SLC22A4: variants seen among roughly 807,000 people sequenced by gnomAD.
SLC22A4 encodes the protein solute carrier family 22 member 4.
In SLC22A4, 39 loss-of-function variants were observed where a neutral mutation model predicts 56.6. That is an observed-to-expected ratio of 0.69 (90% CI 0.53 to 0.90). The LOEUF is 0.90. SLC22A4 is among the 40% of genes least tolerant of loss of function. The pLI, the probability that SLC22A4 is intolerant of heterozygous loss-of-function variation, is 0.00. For missense variants in SLC22A4, 594 were observed against 696.5 expected, an observed-to-expected ratio of 0.85 and a Z score of 1.66; for synonymous variants, 241 against 281.4, an observed-to-expected ratio of 0.86 and a Z score of 1.44.
intron 1 of SLC22A4, among the ~76,000 whole-genome samples, chr5:132,306,861 T>C (rs1561535981): frequency 3.9e-5 from 6 of 152,262 alleles, no homozygotes; most frequent in Non-Finnish European, 7.4e-5. Flanking sequence ...TAAAACACTA[T>C]ATATTGTATG....
intron 6 of SLC22A4, among the ~76,000 whole-genome samples, chr5:132,332,974 T>G (rs1750911419): frequency 6.6e-6 from 1 of 152,202 alleles, no homozygotes. Flanking sequence ...GCTACTAAGC[T>G]AATAAAAAAT....
chr5:132,339,503 C>CACACACACACACACACA (rs1554084166), intron 8 of SLC22A4, among the ~76,000 whole-genome samples: 2 of 150,430 alleles, frequency 1.3e-5, no homozygotes, highest in Non-Finnish European at 1.5e-5. Flanking sequence ...CACACACACA[C>CACACACACACACACACA]CTGAAAACAT....
rs374174747 is a variant in SLC22A4 at position 132,340,548 on chromosome 5, T to A, written c.1445-17T>A. On this transcript the variant is annotated splice_polypyrimidine_tract_variant and intron_variant, in intron 8 of 9. Coordinates refer to ENST00000200652, the MANE Select transcript of SLC22A4 (RefSeq NM_003059.3). Reference sequence around the variant, plus strand: ...TCCTCCTATCTGATTGATGTTCTTATGTCCCGGGCTTTACAGGTGCTTACA... The same window carrying A: ...TCCTCCTATCTGATTGATGTTCTTAAGTCCCGGGCTTTACAGGTGCTTACA... 1 of 1,613,604 alleles carries A rather than the reference T, an allele frequency of 6.2e-7. No homozygotes were observed. Among genetic ancestry groups the A allele is most frequent in the Non-Finnish European group, 8.5e-7 (1 of 1,179,506 alleles).
chr5:132,304,295 G>A (rs1031963835), intron 1 of SLC22A4, among the ~76,000 whole-genome samples: 1 of 152,204 alleles, frequency 6.6e-6, no homozygotes, highest in South Asian at 2.1e-4. Flanking sequence ...TAACAGCTGG[G>A]TGTGATACCA....
At chr5:132,323,335 C>T (rs1183792672) in intron 4 of SLC22A4, among the ~76,000 whole-genome samples, 2 of 152,186 alleles carry the variant, frequency 1.3e-5, no homozygotes, top group Non-Finnish European at 2.9e-5. Context: ...GGGAAGCTGT[C>T]TAGGCCTTTA....
chr5:132,328,903 G>GTGTA (rs1180080096), intron 5 of SLC22A4, among the ~76,000 whole-genome samples: 16 of 96,448 alleles, frequency 1.7e-4, no homozygotes, highest in African/African-American at 4.4e-4. Context: ...GTGTGTATGT[G>GTGTA]TATATATATA....
In SLC22A4 at chr5:132,313,630, G is replaced by C. The variant is rs781510670; in HGVS notation, c.514G>C (p.Val172Leu). Residue 172 changes from valine to leucine, a missense_variant, in exon 3 of 10, where the codon GTT (valine) becomes CTT (leucine). Val to Leu is a conservative substitution (Grantham distance 32). Coordinates refer to ENST00000200652, the MANE Select transcript of SLC22A4 (RefSeq NM_003059.3). ...ATTCTCTAGGTTTGGCAGGAAGAAC[G>C]TTCTCTTCGCAACCATGGCTGTACA... ...QLSDRFGRKN[V>L]LFATMAVQTG... 6.2e-7 allele frequency: 1 copy of C among 1,614,226 alleles called. No individual in the cohort carries two copies. The highest frequency in any genetic ancestry group is 8.5e-7 in the Non-Finnish European group (1 of 1,180,038).
intron 1 of SLC22A4, chr5:132,295,357 T>C (rs998152714): frequency 1.5e-5 from 8 of 524,238 alleles, no homozygotes; most frequent in Admixed American, 6.9e-5. Context: ...GTCACCTTCC[T>C]GCCAGGCATG....
At chr5:132,304,325 T>C (rs916517812) in intron 1 of SLC22A4, among the ~76,000 whole-genome samples, 2 of 152,200 alleles carry the variant, frequency 1.3e-5, no homozygotes, top group Non-Finnish European at 2.9e-5. Context: ...GACAGCTTAA[T>C]AGAAAGATCA....
chr5:132,322,405 C>T, intron 4 of SLC22A4, 50 bp downstream of exon 4: 1 of 1,553,192 alleles, frequency 6.4e-7, no homozygotes, highest in Non-Finnish European at 8.9e-7. Flanking sequence ...GTCAGCACAC[C>T]TGGAACACAC....
chr5:132,340,554 G>A lies in SLC22A4; in HGVS notation c.1445-11G>A, dbSNP rs367641793. The A allele has an allele frequency of 3.7e-5, 60 of 1,613,412 alleles. No homozygotes were observed. The highest frequency in any genetic ancestry group is 3.5e-4 in the African/African-American group (26 of 74,842). On this transcript the variant is annotated splice_polypyrimidine_tract_variant and intron_variant, in intron 8 of 9. Transcript: ENST00000200652. Reference sequence around the variant, plus strand: ...TATCTGATTGATGTTCTTATGTCCCGGGCTTTACAGGTGCTTACAACAGAA... The same window carrying A: ...TATCTGATTGATGTTCTTATGTCCCAGGCTTTACAGGTGCTTACAACAGAA...
At chr5:132,311,948 G>A (rs978802935) in intron 1 of SLC22A4, 1 of 616,460 alleles carries the variant, frequency 1.6e-6, no homozygotes, top group Non-Finnish European at 2.9e-6. Context: ...GTTTCAGGGA[G>A]GGCAGTGACC....
chr5:132,342,669 T>G (rs186152269), intron 9 of SLC22A4, among the ~76,000 whole-genome samples: 10 of 152,326 alleles, frequency 6.6e-5, no homozygotes, highest in African/African-American at 2.2e-4. Flanking sequence ...CTCCTTGGGT[T>G]TGATTATTTG....
chr5:132,297,568 G>T lies in SLC22A4; in HGVS notation c.393+2559G>T, dbSNP rs138353414. Reference sequence around the variant, plus strand: ...CAGTTTCCTTGTCTATAAATTGGGGGTACAAGCGATGAAAAGAGGCTCAAC... The same window carrying T: ...CAGTTTCCTTGTCTATAAATTGGGGTTACAAGCGATGAAAAGAGGCTCAAC... On this transcript the variant is annotated intron_variant, in intron 1 of 9. Transcript: ENST00000200652. Among the ~76,000 whole-genome samples the T allele has an allele frequency of 4.6e-3, 698 of 151,988 alleles. 2 individuals are homozygous for T. The highest frequency in any genetic ancestry group is 7.7e-3 in the Non-Finnish European group (521 of 67,988).
intron 1 of SLC22A4, among the ~76,000 whole-genome samples, chr5:132,306,026 A>G (rs1173643375): frequency 6.6e-6 from 1 of 152,152 alleles, no homozygotes; most frequent in African/African-American, 2.4e-5. Context: ...CAAAACCACA[A>G]TGAGATACCT....
chr5:132,340,770 A>C, intron 9 of SLC22A4, 70 bp downstream of exon 9: 1 of 1,421,586 alleles, frequency 7.0e-7, no homozygotes, highest in Non-Finnish European at 9.9e-7. Context: ...AATAGCTAGG[A>C]AGGTTCTGAA....
At chr5:132,305,308 A>C (rs1311640145) in intron 1 of SLC22A4, among the ~76,000 whole-genome samples, 1 of 152,164 alleles carries the variant, frequency 6.6e-6, no homozygotes, top group East Asian at 1.9e-4. Context: ...TAAACATAGC[A>C]ATATATGCAT....
intron 9 of SLC22A4, among the ~76,000 whole-genome samples, chr5:132,341,146 G>A (rs936023676): frequency 4.0e-5 from 6 of 149,582 alleles, no homozygotes; most frequent in South Asian, 4.3e-4. Flanking sequence ...TAGGCCAGGC[G>A]CGGTGGCACA....
At chr5:132,302,060 C>T (rs1243799689) in intron 1 of SLC22A4, among the ~76,000 whole-genome samples, 1 of 152,238 alleles carries the variant, frequency 6.6e-6, no homozygotes, top group Non-Finnish European at 1.5e-5. Flanking sequence ...AGAGGAGACT[C>T]AGGGGCTTCC....
Sources: allele counts gnomAD v4.1 joint callset (sites outside exome capture counted in the v4.1 genomes callset), GRCh38; gene constraint gnomAD v4.1.1; transcripts MANE v1.5; gene names NCBI Gene and HGNC (gene_info 2026-07-23, HGNC 2026-07-21).